The following FAT3 variants were observed in gnomAD, a reference collection of about 807,000 sequenced individuals.
FAT3 encodes the protein FAT atypical cadherin 3.
A neutral mutation model predicts 310.2 loss-of-function variants in FAT3; 95 were observed. That is an observed-to-expected ratio of 0.31 (90% CI 0.26 to 0.36). The LOEUF is 0.36. Among genes scored for constraint, FAT3 ranks in the 10% least tolerant of loss-of-function variants. FAT3 has a pLI of 1.00. For synonymous variants in FAT3, 2,314 were observed against 2,192.9 expected (o/e 1.06, Z -1.54); for missense variants, 5,408 against 5,715.6 (o/e 0.95, Z 1.74).
intron 2 of FAT3, among the ~76,000 whole-genome samples, chr11:92,379,553 G>A (rs568289839): frequency 2.0e-5 from 3 of 152,166 alleles, no homozygotes; most frequent in Admixed American, 6.5e-5. Flanking sequence ...TTGGATTGTA[G>A]ATGAGAAGAC....
intron 3 of FAT3, among the ~76,000 whole-genome samples, chr11:92,557,934 C>A (rs953211446): frequency 1.7e-4 from 26 of 152,186 alleles, no homozygotes; most frequent in African/African-American, 6.3e-4. Flanking sequence ...AAAATGTGAG[C>A]CTGAAGGCTC....
chr11:92,778,520 T>C (rs891134905), intron 7 of FAT3, among the ~76,000 whole-genome samples: 4 of 152,208 alleles, frequency 2.6e-5, no homozygotes, highest in Non-Finnish European at 5.9e-5. Context: ...GACCTAATTG[T>C]ACAAACAACT....
chr11:92,670,603 T>A (rs1943097895), intron 3 of FAT3, among the ~76,000 whole-genome samples: 1 of 152,230 alleles, frequency 6.6e-6, no homozygotes, highest in African/African-American at 2.4e-5. Flanking sequence ...GCCTGGGAAT[T>A]GGGGCCAGAC....
At chr11:92,431,780 T>G (rs372898266) in intron 2 of FAT3, among the ~76,000 whole-genome samples, 4 of 152,172 alleles carry the variant, frequency 2.6e-5, no homozygotes, top group Non-Finnish European at 5.9e-5. Flanking sequence ...GCTTGTTTTT[T>G]TCAGGTTTGT....
rs781476131 is a variant in FAT3, at chr11:92,764,840, G to A, written c.3985-39G>A. The A allele has an allele frequency of 6.0e-5, 95 of 1,578,226 alleles. No homozygotes were observed. In the East Asian group the frequency reaches 1.8e-3, roughly 31 times the overall value. On this transcript the variant is annotated intron_variant, in intron 5 of 27. Coordinates refer to ENST00000525166, the MANE Select transcript of FAT3 (RefSeq NM_001367949.2). ...AGATCCAAACTCTACAACAATCAGA[G>A]GTCTGAGACATCTTTCTCTTCTCTC...
intron 2 of FAT3, among the ~76,000 whole-genome samples, chr11:92,461,687 G>A (rs1381753674): frequency 2.0e-5 from 3 of 152,152 alleles, no homozygotes; most frequent in Non-Finnish European, 2.9e-5. Context: ...GTCAGCAAGT[G>A]TGTTAAGTAA....
At chr11:92,477,608 A>G (rs985440587) in intron 2 of FAT3, among the ~76,000 whole-genome samples, 6 of 152,134 alleles carry the variant, frequency 3.9e-5, no homozygotes, top group Admixed American at 2.0e-4. Context: ...TTGCTAGTGT[A>G]CTTATTTATT....
At chr11:92,432,814 T>C (rs988408271) in intron 2 of FAT3, among the ~76,000 whole-genome samples, 5 of 152,136 alleles carry the variant, frequency 3.3e-5, no homozygotes, top group Non-Finnish European at 7.3e-5. Flanking sequence ...AACGTTTAAG[T>C]CTGCTGAAGC....
At chr11:92,435,910 A>G (rs2135051751) in intron 2 of FAT3, among the ~76,000 whole-genome samples, 1 of 152,090 alleles carries the variant, frequency 6.6e-6, no homozygotes. Flanking sequence ...TACCCTGGTA[A>G]GTGCTGGAGA....
At chr11:92,857,855 G>T (rs911879351) in intron 20 of FAT3, among the ~76,000 whole-genome samples, 1 of 152,086 alleles carries the variant, frequency 6.6e-6, no homozygotes, top group African/African-American at 2.4e-5. Context: ...GTTCCAGCTG[G>T]AGAGGTGCTC....
intron 4 of FAT3, among the ~76,000 whole-genome samples, chr11:92,708,909 G>C (rs967912325): frequency 2.0e-5 from 3 of 152,218 alleles, no homozygotes; most frequent in African/African-American, 7.2e-5. Flanking sequence ...AGGCTAATGA[G>C]TCAACCGTGG....
chr11:92,290,410 A>G (rs2134391985), intron 1 of FAT3, among the ~76,000 whole-genome samples: 1 of 152,266 alleles, frequency 6.6e-6, no homozygotes, highest in Non-Finnish European at 1.5e-5. Context: ...AATGCTTTCC[A>G]GCACAATCTG....
intron 3 of FAT3, among the ~76,000 whole-genome samples, chr11:92,582,849 T>A (rs2135536790): frequency 6.6e-6 from 1 of 152,146 alleles, no homozygotes; most frequent in Admixed American, 6.6e-5. Context: ...GTGAATATTA[T>A]CTTAATGTAG....
At chr11:92,398,022 G>A (rs989269485) in intron 2 of FAT3, among the ~76,000 whole-genome samples, 4 of 152,094 alleles carry the variant, frequency 2.6e-5, no homozygotes, top group East Asian at 1.9e-4. Context: ...GAGGTAAGAA[G>A]CCTAAAATCA....
At chr11:92,887,166 G>A in intron 25 of FAT3, 53 bp downstream of exon 25, 5 of 1,483,000 alleles carry the variant, frequency 3.4e-6, no homozygotes, top group Middle Eastern at 3.7e-4. Flanking sequence ...TCCTGTTCTG[G>A]AAGACCATGG....
chr11:92,482,316 T>C (rs1415668153), intron 2 of FAT3, among the ~76,000 whole-genome samples: 1 of 152,214 alleles, frequency 6.6e-6, no homozygotes, highest in Admixed American at 6.5e-5. Context: ...GATTTAATAG[T>C]AATAGCAGTA....
At chr11:92,713,057 G>T (rs929058920) in intron 4 of FAT3, among the ~76,000 whole-genome samples, 2 of 152,156 alleles carry the variant, frequency 1.3e-5, no homozygotes, top group Non-Finnish European at 2.9e-5. Flanking sequence ...AGGTGTTCAG[G>T]CTTAAAGTCT....
At chr11:92,612,509 A>T (rs1366911945) in intron 3 of FAT3, among the ~76,000 whole-genome samples, 2 of 152,214 alleles carry the variant, frequency 1.3e-5, no homozygotes, top group Non-Finnish European at 2.9e-5. Context: ...TAAAGCCAGG[A>T]TTTCTATGCA....
chr11:92,825,964 G>T (rs1327980983), intron 13 of FAT3, among the ~76,000 whole-genome samples: 2 of 152,114 alleles, frequency 1.3e-5, no homozygotes, highest in Non-Finnish European at 2.9e-5. Flanking sequence ...GTGACATGCA[G>T]AAAAGTAAAC....
Sources: allele counts gnomAD v4.1 joint callset (sites outside exome capture counted in the v4.1 genomes callset), GRCh38; gene constraint gnomAD v4.1.1; transcripts MANE v1.5; gene names NCBI Gene and HGNC (gene_info 2026-07-23, HGNC 2026-07-21).